Variants in TMEM132C observed in about 807,000 individuals in gnomAD.
TMEM132C encodes transmembrane protein 132C.
TMEM132C carries 29 observed loss-of-function variants against 61.4 expected under a neutral mutation model. The ratio of observed to expected loss-of-function variants is 0.47; its 90% confidence interval spans 0.35 to 0.64. The LOEUF (loss-of-function observed/expected upper bound fraction) is 0.64. Among genes scored for constraint, TMEM132C ranks in the 30% least tolerant of loss-of-function variants. TMEM132C has a pLI of 0.00. For synonymous variants in TMEM132C, 656 were observed against 633.1 expected, an observed-to-expected ratio of 1.04 and a Z score of -0.54; for missense variants, 1,408 against 1,476.9, an observed-to-expected ratio of 0.95 and a Z score of 0.76.
At chr12:128,544,152 C>T (rs1348552025) in intron 3 of TMEM132C, 49 bp downstream of exon 3, 2 of 1,458,814 alleles carry the variant, frequency 1.4e-6, no homozygotes, top group African/African-American at 2.9e-5. Context: ...GTCCCGGGCC[C>T]AGGCCGGCTG....
chr12:128,432,672 C>A (rs771479015), intron 2 of TMEM132C, among the ~76,000 whole-genome samples: 5 of 152,152 alleles, frequency 3.3e-5, no homozygotes, highest in African/African-American at 9.7e-5. Flanking sequence ...AAAGTGTTTT[C>A]TGAGATAGAA....
chr12:128,415,711 G>A lies in TMEM132C; in HGVS notation c.974+91G>A, dbSNP rs1868759095. 6 of 1,377,452 alleles carry A rather than the reference G, an allele frequency of 4.4e-6. No individual in the cohort carries two copies. Among genetic ancestry groups the A allele is most frequent in the Admixed American group, 2.8e-5 (1 of 35,714 alleles). 85.3% of individuals were successfully genotyped at this position (1,377,452 alleles called of 1,614,324 possible). On this transcript the variant is annotated intron_variant, in intron 2 of 8. Transcript: ENST00000435159. The surrounding 1 kb of genome is among the most constrained non-coding windows in gnomAD (Gnocchi z 5.8). ...GGCAGATAGATATTCAGGAAGCATC[G>A]ATTTTCACTACCTTCAGGGACCGTT...
intron 5 of TMEM132C, among the ~76,000 whole-genome samples, chr12:128,687,350 T>C (rs11831893): frequency 0.22 from 33,568 of 152,028 alleles, 4,414 homozygotes; most frequent in African/African-American, 0.37. Context: ...CACTGTAAGA[T>C]GTTGAGTACC....
intron 2 of TMEM132C, among the ~76,000 whole-genome samples, chr12:128,491,265 G>C (rs1287510832): frequency 6.6e-6 from 1 of 152,190 alleles, no homozygotes; most frequent in Non-Finnish European, 1.5e-5. Context: ...TTGCTGCCTG[G>C]AGCCTCCATT....
At chr12:128,372,500 G>A (rs1487454111) in intron 1 of TMEM132C, among the ~76,000 whole-genome samples, 2 of 152,128 alleles carry the variant, frequency 1.3e-5, no homozygotes, top group Non-Finnish European at 2.9e-5. Context: ...TGACAAAGCT[G>A]GATATAATAT....
chr12:128,615,289 C>T lies in TMEM132C; in HGVS notation c.1122-863C>T, dbSNP rs374924826. Among the ~76,000 whole-genome samples, 16 of 152,122 alleles carry T rather than the reference C, an allele frequency of 1.1e-4. No individual in the cohort carries two copies. The South Asian group carries it at 2.7e-3, about 26-fold the overall frequency. ...TGGAAGACAATTTTTCCACAGATGGCGGTGGTGGGGGAAGGATGGTTTTGG... is the reference window on the plus strand; with the variant it reads ...TGGAAGACAATTTTTCCACAGATGGTGGTGGTGGGGGAAGGATGGTTTTGG... On this transcript the variant is annotated intron_variant, in intron 3 of 8. Transcript: ENST00000435159.
At chr12:128,384,536 G>A (rs1457205874) in intron 1 of TMEM132C, among the ~76,000 whole-genome samples, 4 of 152,348 alleles carry the variant, frequency 2.6e-5, no homozygotes, top group East Asian at 3.9e-4. Flanking sequence ...AAGCAAGCCC[G>A]TGATGGTGGG....
At position 128,485,418 on chromosome 12, in the gene TMEM132C, T is replaced by C. The variant is rs541546330; in HGVS notation, c.975-58539T>C. ...TCTCGAACTCCTGACCTCAGGTGAT[T>C]CGCCCACCTCGGCCTCCCAAAGTGC... On this transcript the variant is annotated intron_variant, in intron 2 of 8. Coordinates refer to ENST00000435159, the MANE Select transcript of TMEM132C (RefSeq NM_001136103.3). Among the ~76,000 whole-genome samples, 12 of 152,208 alleles carry C rather than the reference T, an allele frequency of 7.9e-5. 1 individual carries two copies. In the South Asian group the frequency reaches 2.5e-3, roughly 32 times the overall value.
intron 1 of TMEM132C, among the ~76,000 whole-genome samples, chr12:128,360,340 T>C (rs1873663388): frequency 6.6e-6 from 1 of 151,854 alleles, no homozygotes; most frequent in South Asian, 2.1e-4. Context: ...AGCGATTCTG[T>C]CCAACAGAAT....
chr12:128,354,002 A>G (rs1027220338), intron 1 of TMEM132C, among the ~76,000 whole-genome samples: 2 of 152,148 alleles, frequency 1.3e-5, no homozygotes, highest in Non-Finnish European at 2.9e-5. Flanking sequence ...TGCTGTAATG[A>G]TGTTTCTGTA....
intron 5 of TMEM132C, among the ~76,000 whole-genome samples, chr12:128,681,679 AG>A (rs1954636108): frequency 3.0e-5 from 1 of 33,174 alleles, no homozygotes; most frequent in Non-Finnish European, 6.7e-5. Flanking sequence ...TTTGAGACAG[AG>A]TCTCACCCTA....
intron 4 of TMEM132C, among the ~76,000 whole-genome samples, chr12:128,617,955 G>A (rs552810696): frequency 2.6e-5 from 4 of 152,286 alleles, no homozygotes; most frequent in East Asian, 1.9e-4. Context: ...TCTGCTGCCC[G>A]GTTTTGTACA....
At chr12:128,511,050 G>A (rs182148129) in intron 2 of TMEM132C, among the ~76,000 whole-genome samples, 1 of 152,322 alleles carries the variant, frequency 6.6e-6, no homozygotes, top group African/African-American at 2.4e-5. Flanking sequence ...TGGAGTGGTT[G>A]GGTGCACCAT....
chr12:128,559,164 CAA>C (rs1874430121), intron 3 of TMEM132C, among the ~76,000 whole-genome samples: 1 of 151,004 alleles, frequency 6.6e-6, no homozygotes, highest in South Asian at 2.1e-4. Context: ...CATACACACA[CAA>C]ACACACACAC....
intron 2 of TMEM132C, among the ~76,000 whole-genome samples, chr12:128,420,087 T>G (rs533074686): frequency 1.3e-5 from 2 of 151,962 alleles, no homozygotes; most frequent in Non-Finnish European, 2.9e-5. Context: ...TCCCAGCTAC[T>G]TGGGAGGCTG....
At chr12:128,336,033 T>G (rs2135949542) in intron 1 of TMEM132C, among the ~76,000 whole-genome samples, 1 of 152,344 alleles carries the variant, frequency 6.6e-6, no homozygotes, top group East Asian at 1.9e-4. Context: ...TCTGTAGTAT[T>G]GGGGTTTAAG....
chr12:128,600,866 T>C (rs1876159644), intron 3 of TMEM132C, among the ~76,000 whole-genome samples: 1 of 152,228 alleles, frequency 6.6e-6, no homozygotes, highest in Non-Finnish European at 1.5e-5. Context: ...GAAAGCCTTC[T>C]GTTTTAAATG....
In TMEM132C at chr12:128,356,181, C is replaced by T. The variant is rs575698088; in HGVS notation, c.86-58551C>T. 7.2e-5 allele frequency among the ~76,000 whole-genome samples: 11 copies of T among 152,260 alleles called. No individual in the cohort carries two copies. The South Asian group carries it at 8.3e-4, about 12-fold the overall frequency. On this transcript the variant is annotated intron_variant, in intron 1 of 8. Transcript: ENST00000435159. ...CAGGAGAAATATTTAGCTTGTGTTT[C>T]GGGGCCAGGTTGTATGGAAAACGCA... is the stretch of plus-strand genomic sequence containing the variant.
chr12:128,363,980 T>C (rs1214810358), intron 1 of TMEM132C, among the ~76,000 whole-genome samples: 1 of 152,076 alleles, frequency 6.6e-6, no homozygotes, highest in African/African-American at 2.4e-5. Flanking sequence ...GAAGCAGCCC[T>C]TCCTGGAAGG....
Sources: allele counts gnomAD v4.1 joint callset (sites outside exome capture counted in the v4.1 genomes callset), GRCh38; gene constraint gnomAD v4.1.1; non-coding constraint Gnocchi (gnomAD v3.1); transcripts MANE v1.5; gene names NCBI Gene and HGNC (gene_info 2026-07-23, HGNC 2026-07-21).